The following RAP1A variants were observed in gnomAD, a reference collection of about 807,000 sequenced individuals.
The protein encoded by RAP1A is ras-related protein Rap-1A.
Under a neutral mutation model 26.4 loss-of-function variants are expected in RAP1A, and 6 were observed. The observed-to-expected ratio is 0.23, with a 90% CI of 0.12 to 0.45. The LOEUF is 0.45. Among genes scored for constraint, RAP1A ranks in the 20% least tolerant of loss-of-function variants. The probability of loss-of-function intolerance (pLI) is 0.99; values close to 1 mark genes in which losing one functional copy is unlikely to be tolerated. For synonymous variants in RAP1A, 73 were observed against 79.4 expected, an observed-to-expected ratio of 0.92 and a Z score of 0.43; for missense variants, 121 against 217.2, an observed-to-expected ratio of 0.56 and a Z score of 2.78.
At chr1:111,707,178 GA>G (rs1227373149) in intron 6 of RAP1A, among the ~76,000 whole-genome samples, 1 of 152,066 alleles carries the variant, frequency 6.6e-6, no homozygotes, top group African/African-American at 2.4e-5. Context: ...AGAAAGAAAA[GA>G]ATTTAAATGA....
At chr1:111,663,776 A>G (rs1189885066) in intron 1 of RAP1A, among the ~76,000 whole-genome samples, 2 of 152,002 alleles carry the variant, frequency 1.3e-5, no homozygotes, top group Non-Finnish European at 2.9e-5. Context: ...TTTTCCAACT[A>G]TTGTTCTGAG....
intron 1 of RAP1A, among the ~76,000 whole-genome samples, chr1:111,573,662 C>T (rs751459448): frequency 5.9e-5 from 9 of 152,150 alleles, no homozygotes; most frequent in Non-Finnish European, 1.3e-4. Flanking sequence ...GCCACTCTGA[C>T]TGGTGTGAAA....
chr1:111,542,708 T>A (rs1321027869), intron 1 of RAP1A, among the ~76,000 whole-genome samples: 1 of 151,154 alleles, frequency 6.6e-6, no homozygotes, highest in Non-Finnish European at 1.5e-5. Flanking sequence ...TTTTTTTTTC[T>A]TTTTTTGAGA....
At chr1:111,695,126 T>C (rs1391150107) in intron 2 of RAP1A, among the ~76,000 whole-genome samples, 2 of 152,212 alleles carry the variant, frequency 1.3e-5, no homozygotes, top group East Asian at 3.8e-4. Flanking sequence ...TCAGTATTGA[T>C]GACAGTTTTT....
intron 4 of RAP1A, among the ~76,000 whole-genome samples, chr1:111,701,807 A>C (rs1225350213): frequency 6.6e-6 from 1 of 152,272 alleles, no homozygotes; most frequent in African/African-American, 2.4e-5. Flanking sequence ...TGTAGCACTT[A>C]ACATTTGTAA....
chr1:111,674,356 A>C (rs474722), intron 1 of RAP1A, among the ~76,000 whole-genome samples: 62,578 of 151,142 alleles, frequency 0.41, 13,154 homozygotes, highest in African/African-American at 0.49. Flanking sequence ...CCCACACAAA[A>C]CTCTCCCACC....
chr1:111,691,240 AAAAC>A lies in RAP1A; in HGVS notation c.-27-90_-27-87del, dbSNP rs145589989. 3,285 of 816,244 alleles carry A rather than the reference AAAAC, an allele frequency of 4.0e-3. 97 individuals carry two copies. The African/African-American group carries it at 0.052, about 13-fold the overall frequency. The allele number at this position is 816,244 out of a possible 1,614,324, so 50.6% of individuals were successfully genotyped here. ...TCCCTTTGATAGTCTTACAAGGAAAAAAACAAAACAAACTCCTATGTTTGATGCA... is the reference window on the plus strand; with the variant it reads ...TCCCTTTGATAGTCTTACAAGGAAAAAAAACAAACTCCTATGTTTGATGCA... On this transcript the variant is annotated intron_variant, in intron 1 of 7. Transcript: ENST00000369709.
At chr1:111,641,846 A>G (rs1208587764) in intron 1 of RAP1A, among the ~76,000 whole-genome samples, 1 of 152,208 alleles carries the variant, frequency 6.6e-6, no homozygotes, top group African/African-American at 2.4e-5. Flanking sequence ...GTAGTTAACC[A>G]CACTGATGCT....
rs11435540 is a variant in RAP1A at position 111,699,463 on chromosome 1, CTTTTTT to C, written c.183+1977_183+1982del. 4.8e-5 allele frequency among the ~76,000 whole-genome samples: 6 copies of C among 124,170 alleles called. No homozygotes were observed. In the South Asian group the frequency reaches 1.0e-3, roughly 22 times the overall value. 81.5% of individuals were successfully genotyped at this position (124,170 alleles called of 152,430 possible). ...TTTTTCTTTATCCATCTCACTTCCT[CTTTTTT>C]TTTTTTTTTTGAAACAGGGTCTCTC... On this transcript the variant is annotated intron_variant, in intron 4 of 7. Transcript: ENST00000369709.
At chr1:111,619,739 A>AG (rs1659109006), upstream of RAP1A, 2 of 393,584 alleles carry the variant, frequency 5.1e-6, no homozygotes, top group Non-Finnish European at 9.0e-6. Context: ...GGGCAGAACC[A>AG]GGGGGCGGGG....
rs1557900512 is a variant in RAP1A, at chr1:111,709,144, C to T, written c.469-5C>T. 1.3e-6 allele frequency: 2 copies of T among 1,597,008 alleles called. No individual in the cohort carries two copies. The highest frequency in any genetic ancestry group is 4.5e-5 in the East Asian group (2 of 44,668). On this transcript the variant is annotated splice_region_variant and splice_polypyrimidine_tract_variant and intron_variant, in intron 6 of 7. Transcript: ENST00000369709. Reference sequence around the variant, plus strand: ...GTAAGTACTTTTTTTCTTGTTTTTACTTAGATATTTTATGACCTGGTCAGA... The same window carrying T: ...GTAAGTACTTTTTTTCTTGTTTTTATTTAGATATTTTATGACCTGGTCAGA...
chr1:111,570,780 G>A (rs1042584015), intron 1 of RAP1A, among the ~76,000 whole-genome samples: 6 of 152,266 alleles, frequency 3.9e-5, no homozygotes, highest in South Asian at 2.1e-4. Context: ...CACTCCCGCA[G>A]GAACTAACCC....
At chr1:111,702,100 A>G (rs772555435) in intron 4 of RAP1A, among the ~76,000 whole-genome samples, 2 of 152,134 alleles carry the variant, frequency 1.3e-5, no homozygotes, top group African/African-American at 2.4e-5. Context: ...AACAACCAGA[A>G]CTATTTTAGA....
intron 1 of RAP1A, among the ~76,000 whole-genome samples, chr1:111,668,173 T>A (rs751657992): frequency 5.9e-5 from 9 of 152,234 alleles, no homozygotes; most frequent in Non-Finnish European, 1.0e-4. Context: ...CAAAAGTATC[T>A]TAAAATTTGA....
chr1:111,613,871 C>T (rs959555216), intron 1 of RAP1A, among the ~76,000 whole-genome samples: 1 of 152,170 alleles, frequency 6.6e-6, no homozygotes, highest in African/African-American at 2.4e-5. Context: ...TAGATAACAT[C>T]GGTTTAGTTA....
upstream of RAP1A, chr1:111,619,743 G>A: frequency 2.5e-6 from 1 of 394,518 alleles, no homozygotes; most frequent in South Asian, 1.3e-4. Context: ...AGAACCAGGG[G>A]GCGGGGCCTG....
intron 4 of RAP1A, among the ~76,000 whole-genome samples, chr1:111,699,628 C>CTT (rs746727179): frequency 1.4e-5 from 2 of 144,094 alleles, no homozygotes; most frequent in African/African-American, 2.5e-5. Context: ...CCACACCTAG[C>CTT]TTTTTTTTTT....
At chr1:111,700,989 C>T (rs1051009420) in intron 4 of RAP1A, among the ~76,000 whole-genome samples, 4 of 152,166 alleles carry the variant, frequency 2.6e-5, no homozygotes, top group African/African-American at 9.7e-5. Context: ...ACTGATCTCC[C>T]TGCTTCTCTT....
chr1:111,634,083 A>G (rs1310601480), intron 1 of RAP1A, among the ~76,000 whole-genome samples: 2 of 152,244 alleles, frequency 1.3e-5, no homozygotes, highest in African/African-American at 4.8e-5. Context: ...CCATAACCAC[A>G]TGTTCAGTGT....
Sources: allele counts gnomAD v4.1 joint callset (sites outside exome capture counted in the v4.1 genomes callset), GRCh38; gene constraint gnomAD v4.1.1; transcripts MANE v1.5; gene names NCBI Gene and HGNC (gene_info 2026-07-23, HGNC 2026-07-21).